FAM193B: variants seen among roughly 807,000 people sequenced by gnomAD.
FAM193B encodes the protein family with sequence similarity 193 member B, also known as protein FAM193B.
Under a neutral mutation model 70.7 loss-of-function variants are expected in FAM193B, and 27 were observed. The observed-to-expected ratio is 0.38, with a 90% CI of 0.28 to 0.53. The LOEUF (loss-of-function observed/expected upper bound fraction) is 0.53, where lower values mean the gene tolerates loss of function less well. Ranked by LOEUF, FAM193B falls within the 20% of genes least tolerant of loss-of-function variation. The pLI, the probability that FAM193B is intolerant of heterozygous loss-of-function variation, is 0.81. For synonymous variants in FAM193B, 448 were observed against 436.0 expected (o/e 1.03, Z -0.34); for missense variants, 1,022 against 1,072.5 (o/e 0.95, Z 0.66).
At chr5:177,535,965 C>T (rs2127469702) in intron 4 of FAM193B, among the ~76,000 whole-genome samples, 1 of 149,666 alleles carries the variant, frequency 6.7e-6, no homozygotes, top group East Asian at 2.0e-4. Flanking sequence ...GGCTGGAGTG[C>T]AGTGGCATGA....
In FAM193B at chr5:177,521,978, C is replaced by T. The variant is rs575617599; in HGVS notation, c.2466G>A (p.Gln822=). 4.0e-5 allele frequency: 65 copies of T among 1,613,676 alleles called. 1 individual carries two copies. In the Admixed American group the frequency reaches 5.7e-4, roughly 14 times the overall value. ...SLKKTTPSTA[Q] Reference sequence around the variant, plus strand: ...TAACTCTTGGGGTCTCTGTACCTCACTGAGCTGTGCTAGGAGTGGTTTTCT... The same window carrying T: ...TAACTCTTGGGGTCTCTGTACCTCATTGAGCTGTGCTAGGAGTGGTTTTCT... Residue 822 remains glutamine (Q), a synonymous_variant, in exon 8 of 9, where the codon CAG becomes CAA. Transcript: ENST00000514747.
intron 8 of FAM193B, among the ~76,000 whole-genome samples, chr5:177,521,303 C>T (rs1761696476): frequency 6.6e-6 from 1 of 152,230 alleles, no homozygotes. Flanking sequence ...GTTCCCAGTC[C>T]AGATCATCAT....
At chr5:177,531,713 G>T in intron 5 of FAM193B, 1 of 613,160 alleles carries the variant, frequency 1.6e-6, no homozygotes, top group Non-Finnish European at 2.4e-6. Context: ...GACTAGGAGG[G>T]AACAGGGCAG....
chr5:177,524,873 A>C lies in FAM193B; in HGVS notation c.1608T>G (p.Pro536=). ...QQPDINLDLS[P]LTLGSPQNHT... ...GGTTCTGAGGGGAGCCCAAAGTCAA[A>C]GGGGACAGGTCAAGGTTGATGTCAG... is the stretch of plus-strand genomic sequence containing the variant. Residue 536 remains proline (P), a synonymous_variant, in exon 6 of 9, where the codon CCT becomes CCG. Transcript: ENST00000514747. 6.6e-7 allele frequency: 1 copy of C among 1,510,722 alleles called. No homozygotes were observed. The highest frequency in any genetic ancestry group is 8.8e-7 in the Non-Finnish European group (1 of 1,131,504). 93.6% of individuals were successfully genotyped at this position (1,510,722 alleles called of 1,614,324 possible).
intron 5 of FAM193B, among the ~76,000 whole-genome samples, chr5:177,526,890 G>A (rs961347381): frequency 1.3e-5 from 2 of 152,224 alleles, no homozygotes; most frequent in African/African-American, 4.8e-5. Flanking sequence ...TGTGAGTTTA[G>A]CGTACGTGAG....
At chr5:177,546,723 C>A (rs1426320187) in intron 1 of FAM193B, among the ~76,000 whole-genome samples, 1 of 152,218 alleles carries the variant, frequency 6.6e-6, no homozygotes, top group Non-Finnish European at 1.5e-5. Context: ...GGAGGTAGAA[C>A]AGCTGTTTCA....
In FAM193B at chr5:177,532,312, G is replaced by C. The variant is rs1295471738; in HGVS notation, c.1275+131C>G. The stretch of plus-strand genomic sequence containing the variant: ...TGTGAGGATCAAGCGAGCAGACGCA[G>C]GTGCAAGGACTCACGGCCCCAGCAC... On this transcript the variant is annotated intron_variant, in intron 5 of 8. Transcript: ENST00000514747. This position sits in a 1 kb window ranked among gnomAD's most constrained non-coding sequence, Gnocchi z 4.9. 6.7e-7 allele frequency: 1 copy of C among 1,487,498 alleles called. No individual in the cohort carries two copies. The highest frequency in any genetic ancestry group is 8.9e-7 in the Non-Finnish European group (1 of 1,118,880). 92.1% of individuals were successfully genotyped at this position (1,487,498 alleles called of 1,614,324 possible).
In FAM193B at chr5:177,554,506, G is replaced by A; in HGVS notation, c.-48C>T. The A allele has an allele frequency of 2.3e-6, 2 of 858,050 alleles. No homozygotes were observed. The highest frequency in any genetic ancestry group is 1.4e-6 in the Non-Finnish European group (1 of 713,448). The allele number at this position is 858,050 out of a possible 1,614,324, so 53.2% of individuals were successfully genotyped here. A position where few individuals can be genotyped will look rare whatever the true frequency, so the allele number is the denominator to read the frequency against. ...CGCTCCACACGCCGCCGCCGCCGCC[G>A]CCGCCGCCGCCGCCGCCGCCGCCGC... On this transcript the variant is annotated 5_prime_UTR_variant, in exon 1 of 9. Coordinates refer to ENST00000514747, the MANE Select transcript of FAM193B (RefSeq NM_001190946.3).
chr5:177,536,572 C>T lies in FAM193B; in HGVS notation c.862G>A (p.Ala288Thr), dbSNP rs1322666613. ...LPTTPAAPFP[A>T]QASECPVAAA... is the part of the protein sequence containing the mutation. ...GCAACAGGGCACTCTGAAGCCTGGG[C>T]AGGGAAAGGTGCTGCCGGGGTGGTG... The change falls in exon 4 of 9, where the codon GCC (alanine) becomes ACC (threonine). Residue 288 changes from alanine (A) to threonine (T), a missense_variant. Transcript: ENST00000514747. The T allele has an allele frequency of 1.3e-6, 2 of 1,530,470 alleles. No individual in the cohort carries two copies. Among genetic ancestry groups the T allele is most frequent in the Non-Finnish European group, 1.7e-6 (2 of 1,147,214 alleles). The allele number at this position is 1,530,470 out of a possible 1,614,324, so 94.8% of individuals were successfully genotyped here.
rs1451990928 is a variant in FAM193B at position 177,524,921 on chromosome 5, G to A, written c.1560C>T (p.Leu520=). 6.6e-7 allele frequency: 1 copy of A among 1,507,512 alleles called. No homozygotes were observed. The highest frequency in any genetic ancestry group is 1.4e-5 in the South Asian group (1 of 73,466). The allele number at this position is 1,507,512 out of a possible 1,614,324, so 93.4% of individuals were successfully genotyped here. A position where few individuals can be genotyped will look rare whatever the true frequency, so the allele number is the denominator to read the frequency against. Residue 520 remains leucine (L), a synonymous_variant, in exon 6 of 9, where the codon CTC becomes CTT. Coordinates refer to ENST00000514747, the MANE Select transcript of FAM193B (RefSeq NM_001190946.3). The part of the protein sequence containing the change: ...PEPQSLPPSN[L]SGSSEQQPDI... ...CAGGCTGCTGCTCTGAGGAGCCACT[G>A]AGGTTTGAGGGGGGTAGACTCTGAG...
At chr5:177,553,421 C>T in intron 1 of FAM193B, 5 of 1,052,900 alleles carry the variant, frequency 4.7e-6, no homozygotes, top group East Asian at 9.9e-5. Flanking sequence ...AGCCACCCAG[C>T]CCCGAGTGCC....
At chr5:177,528,978 G>GGTGAGTGA (rs1255032799) in intron 5 of FAM193B, among the ~76,000 whole-genome samples, 3 of 152,092 alleles carry the variant, frequency 2.0e-5, no homozygotes, top group East Asian at 3.9e-4. Context: ...ATTGAGTACT[G>GGTGAGTGA]GTGAGTGAGT....
chr5:177,524,151 A>T (rs778056098), intron 6 of FAM193B, 34 bp downstream of exon 6: 5 of 1,590,772 alleles, frequency 3.1e-6, no homozygotes, highest in Non-Finnish European at 4.3e-6. Context: ...TGGCTGGGGT[A>T]GGGGGTCAGC....
intron 5 of FAM193B, among the ~76,000 whole-genome samples, chr5:177,530,191 T>C (rs1298037573): frequency 2.6e-5 from 4 of 152,138 alleles, no homozygotes; most frequent in African/African-American, 9.7e-5. Context: ...TGCCGAGGAA[T>C]AGATCACCAG....
At chr5:177,533,475 T>A (rs989870687) in intron 4 of FAM193B, among the ~76,000 whole-genome samples, 3 of 151,990 alleles carry the variant, frequency 2.0e-5, no homozygotes, top group African/African-American at 7.3e-5. Context: ...CGGCTAATTT[T>A]CTTGTATTTT....
intron 1 of FAM193B, among the ~76,000 whole-genome samples, chr5:177,540,843 A>G (rs1018034701): frequency 6.6e-6 from 1 of 152,196 alleles, no homozygotes; most frequent in African/African-American, 2.4e-5. Context: ...GCAGAGGCCT[A>G]CGGGAATAAT....
chr5:177,526,498 G>C (rs1471414750), intron 5 of FAM193B, among the ~76,000 whole-genome samples: 2 of 151,710 alleles, frequency 1.3e-5, no homozygotes, highest in African/African-American at 4.9e-5. Flanking sequence ...CGCTCCCCCA[G>C]CACCACACAG....
At chr5:177,521,748 G>T (rs527695070) in intron 8 of FAM193B, among the ~76,000 whole-genome samples, 1 of 152,278 alleles carries the variant, frequency 6.6e-6, no homozygotes, top group African/African-American at 2.4e-5. Context: ...CCAGGGAGGA[G>T]TAATAGAACA....
Position 177,536,248 on chromosome 5 carries a change from A to G in FAM193B, c.1076+110T>C, listed in dbSNP as rs1764146141. The G allele has an allele frequency of 6.7e-6, 8 of 1,193,044 alleles. No homozygotes were observed. The Admixed American group carries it at 1.2e-4, about 18-fold the overall frequency. 73.9% of individuals were successfully genotyped at this position (1,193,044 alleles called of 1,614,324 possible). The stretch of plus-strand genomic sequence containing the variant: ...CTTCTTTACAATTGAAAAATAATGA[A>G]AGGAAAGACATAGTCTACTTTTTAA... On this transcript the variant is annotated intron_variant, in intron 4 of 8. Coordinates refer to ENST00000514747, the MANE Select transcript of FAM193B (RefSeq NM_001190946.3).
Sources: gnomAD v4.1 joint callset for allele counts (sites outside exome capture counted in the v4.1 genomes callset) on GRCh38, gnomAD v4.1.1 for gene constraint, Gnocchi (gnomAD v3.1) non-coding constraint, MANE v1.5 for transcripts, NCBI Gene and HGNC (gene_info 2026-07-23, HGNC 2026-07-21) for gene names.